The following PPP3CA variants were observed in gnomAD, a reference collection of about 807,000 sequenced individuals.
PPP3CA encodes the protein CAM-PRP catalytic subunit.
PPP3CA carries 14 observed loss-of-function variants against 66.5 expected under a neutral mutation model. The observed-to-expected ratio is 0.21, with a 90% confidence interval of 0.14 to 0.33. The LOEUF (loss-of-function observed/expected upper bound fraction) is 0.33, where lower values mean the gene tolerates loss of function less well. Among genes scored for constraint, PPP3CA ranks in the 10% least tolerant of loss-of-function variants. PPP3CA has a pLI of 1.00. For missense variants in PPP3CA, 317 were observed against 639.5 expected, an observed-to-expected ratio of 0.50 and a Z score of 5.44; for synonymous variants, 232 against 226.2, an observed-to-expected ratio of 1.03 and a Z score of -0.23.
rs1408840535 is a variant in PPP3CA at position 101,266,484 on chromosome 4, AG to A, written c.59-70369del. Among the ~76,000 whole-genome samples the A allele has an allele frequency of 1.0e-3, 158 of 152,332 alleles. 2 individuals carry two copies. Among genetic ancestry groups the A allele is most frequent in the African/African-American group, 3.7e-3 (155 of 41,590 alleles). On this transcript the variant is annotated intron_variant, in intron 1 of 13. Coordinates refer to ENST00000394854, the MANE Select transcript of PPP3CA (RefSeq NM_000944.5). ...ATAAAAATCAGTTACAGTATTATATAGCGTGATTAATCTTTCTCATTTAAAA... is the reference window on the plus strand; with the variant it reads ...ATAAAAATCAGTTACAGTATTATATACGTGATTAATCTTTCTCATTTAAAA...
intron 5 of PPP3CA, 84 bp from the exon 6 acceptor site, chr4:101,093,999 G>C (rs1055039479): frequency 2.3e-5 from 30 of 1,280,810 alleles, no homozygotes; most frequent in Non-Finnish European, 3.0e-5. Flanking sequence ...GCACTGTGCA[G>C]AACCCATCCT....
chr4:101,312,970 G>A (rs1728773983), intron 1 of PPP3CA, among the ~76,000 whole-genome samples: 1 of 152,236 alleles, frequency 6.6e-6, no homozygotes, highest in Non-Finnish European at 1.5e-5. Flanking sequence ...ACAAGTTACT[G>A]AGAAGAGCAT....
intron 1 of PPP3CA, among the ~76,000 whole-genome samples, chr4:101,343,530 C>T (rs773638441): frequency 2.0e-5 from 3 of 152,056 alleles, no homozygotes; most frequent in South Asian, 2.1e-4. Flanking sequence ...AAGCAATAAA[C>T]GGACCATATT....
intron 2 of PPP3CA, among the ~76,000 whole-genome samples, chr4:101,175,815 T>C (rs2110319310): frequency 6.6e-6 from 1 of 152,290 alleles, no homozygotes; most frequent in East Asian, 1.9e-4. Context: ...GTTTGCTCTT[T>C]AGGCATAAAT....
intron 2 of PPP3CA, chr4:101,158,178 C>T (rs1022804386): frequency 2.0e-5 from 3 of 152,084 alleles, no homozygotes; most frequent in Non-Finnish European, 2.9e-5. Flanking sequence ...ACCAGAAACC[C>T]GAGAATTCAG....
intron 10 of PPP3CA, among the ~76,000 whole-genome samples, chr4:101,058,739 T>C (rs1247376053): frequency 1.3e-5 from 2 of 152,162 alleles, no homozygotes; most frequent in African/African-American, 2.4e-5. Flanking sequence ...GGGAACTTAC[T>C]AGAAGTGAAG....
intron 1 of PPP3CA, among the ~76,000 whole-genome samples, chr4:101,203,613 T>G (rs1725037519): frequency 6.6e-6 from 1 of 152,202 alleles, no homozygotes. Context: ...TCAAAATAGT[T>G]TTTAAATGTT....
intron 3 of PPP3CA, among the ~76,000 whole-genome samples, chr4:101,105,346 T>C (rs1349969244): frequency 6.6e-6 from 1 of 151,942 alleles, no homozygotes; most frequent in Non-Finnish European, 1.5e-5. Flanking sequence ...TTTGTATTTT[T>C]AGTAAAGATG....
chr4:101,032,444 T>C, intron 11 of PPP3CA, 80 bp from the exon 12 acceptor site: 2 of 1,180,558 alleles, frequency 1.7e-6, no homozygotes, highest in Non-Finnish European at 2.5e-6. Context: ...GGAAAAAAAA[T>C]GCATATAAGC....
intron 8 of PPP3CA, among the ~76,000 whole-genome samples, chr4:101,075,045 T>C (rs946090188): frequency 2.0e-5 from 3 of 152,196 alleles, no homozygotes; most frequent in Non-Finnish European, 4.4e-5. Flanking sequence ...GGAACTCCCA[T>C]TTATAAAACC....
At chr4:101,063,191 A>G (rs940015493) in intron 9 of PPP3CA, 41 bp downstream of exon 9, 2 of 1,595,964 alleles carry the variant, frequency 1.3e-6, no homozygotes, top group African/African-American at 2.7e-5. Flanking sequence ...CTTCCTTCCT[A>G]AACTATTTTA....
At chr4:101,256,801 A>C (rs1276370479) in intron 1 of PPP3CA, among the ~76,000 whole-genome samples, 1 of 152,046 alleles carries the variant, frequency 6.6e-6, no homozygotes, top group African/African-American at 2.4e-5. Context: ...CAATAGACTA[A>C]TAGAGATGGT....
chr4:101,112,679 C>G (rs1257078407), intron 2 of PPP3CA, among the ~76,000 whole-genome samples: 2 of 152,188 alleles, frequency 1.3e-5, no homozygotes, highest in African/African-American at 2.4e-5. Context: ...CATAAAGTCT[C>G]ACATACACGT....
intron 6 of PPP3CA, among the ~76,000 whole-genome samples, chr4:101,083,801 T>C (rs1273135750): frequency 6.6e-6 from 1 of 152,202 alleles, no homozygotes; most frequent in Non-Finnish European, 1.5e-5. Context: ...GAAATCAAGT[T>C]ATTGCTTTAT....
chr4:101,126,635 T>C (rs903416611), intron 2 of PPP3CA, among the ~76,000 whole-genome samples: 13 of 152,198 alleles, frequency 8.5e-5, no homozygotes, highest in East Asian at 1.9e-4. Flanking sequence ...CTTTTATTCA[T>C]TGTATCTTTA....
At chr4:101,115,801 G>A (rs1037920826) in intron 2 of PPP3CA, among the ~76,000 whole-genome samples, 1 of 151,930 alleles carries the variant, frequency 6.6e-6, no homozygotes, top group African/African-American at 2.4e-5. Context: ...TTGCCTGTAT[G>A]AAAGGGAAAT....
At chr4:101,294,722 G>A (rs981575515) in intron 1 of PPP3CA, among the ~76,000 whole-genome samples, 1 of 151,918 alleles carries the variant, frequency 6.6e-6, no homozygotes, top group Admixed American at 6.6e-5. Context: ...TCTGTGTTGT[G>A]GGGGGAGTTC....
In PPP3CA at chr4:101,139,419, G is replaced by A. The variant is rs941261636; in HGVS notation, c.260-30341C>T. Among the ~76,000 whole-genome samples the A allele has an allele frequency of 2.0e-5, 3 of 151,498 alleles. No homozygotes were observed. In the South Asian group the frequency reaches 6.2e-4, roughly 32 times the overall value. On this transcript the variant is annotated intron_variant, in intron 2 of 13. Transcript: ENST00000394854. ...TGACCAGTGATAGGGTCAAGCCCAG[G>A]ATTCTTTTAACTCCTACTAATGTTC...
chr4:101,220,287 A>C (rs930725644), intron 1 of PPP3CA, among the ~76,000 whole-genome samples: 12 of 113,116 alleles, frequency 1.1e-4, no homozygotes, highest in African/African-American at 4.4e-4. Flanking sequence ...TTTCAGAATT[A>C]CTTGACAGCA....
Sources: allele counts gnomAD v4.1 joint callset (sites outside exome capture counted in the v4.1 genomes callset), GRCh38; gene constraint gnomAD v4.1.1; transcripts MANE v1.5; gene names NCBI Gene and HGNC (gene_info 2026-07-23, HGNC 2026-07-21).